TMEM178B: variants seen among roughly 807,000 people sequenced by gnomAD.
TMEM178B encodes transmembrane protein 178B.
Under a neutral mutation model 31.0 loss-of-function variants are expected in TMEM178B, and 5 were observed. The observed-to-expected ratio is 0.16, with a 90% confidence interval of 0.08 to 0.34. The LOEUF is 0.34. Ranked by LOEUF, TMEM178B falls within the 10% of genes least tolerant of loss-of-function variation. TMEM178B has a pLI of 1.00. For synonymous variants in TMEM178B, 164 were observed against 164.0 expected (o/e 1.00, Z 0.00); for missense variants, 275 against 400.3 (o/e 0.69, Z 2.67).
intron 3 of TMEM178B, among the ~76,000 whole-genome samples, chr7:141,450,024 G>A (rs1351329618): frequency 6.6e-6 from 1 of 152,198 alleles, no homozygotes; most frequent in Non-Finnish European, 1.5e-5. Context: ...GGCAGGAAAT[G>A]GTTTGCCTTT....
At position 141,377,775 on chromosome 7, in the gene TMEM178B, G is replaced by A. The variant is rs940417396; in HGVS notation, c.497-59833G>A. ...ATATGATGATCTACTGGTTCTTTTG[G>A]AAGTTGAGTACTTTTTAAATAAATT... is the stretch of plus-strand genomic sequence containing the variant. On this transcript the variant is annotated intron_variant, in intron 2 of 3. Transcript: ENST00000565468. Among the ~76,000 whole-genome samples, 11 of 152,280 alleles carry A rather than the reference G, an allele frequency of 7.2e-5. No individual in the cohort carries two copies. In the South Asian group the frequency reaches 1.7e-3, roughly 23 times the overall value.
chr7:141,235,626 A>T (rs892621549), intron 2 of TMEM178B, among the ~76,000 whole-genome samples: 5 of 152,250 alleles, frequency 3.3e-5, no homozygotes, highest in Non-Finnish European at 7.3e-5. Flanking sequence ...TCCATGGGCT[A>T]GTCAAGGATA....
chr7:141,141,969 G>A (rs1389688161), intron 1 of TMEM178B, among the ~76,000 whole-genome samples: 2 of 152,190 alleles, frequency 1.3e-5, no homozygotes, highest in Non-Finnish European at 2.9e-5. Flanking sequence ...TACATGTACA[G>A]GTTTGTTACC....
chr7:141,103,182 G>A (rs1275426260), intron 1 of TMEM178B, among the ~76,000 whole-genome samples: 1 of 152,158 alleles, frequency 6.6e-6, no homozygotes, highest in Non-Finnish European at 1.5e-5. Context: ...CCCCAGGTGG[G>A]GTCAACTCAT....
chr7:141,405,357 G>A (rs1465599029), intron 2 of TMEM178B, among the ~76,000 whole-genome samples: 1 of 152,234 alleles, frequency 6.6e-6, no homozygotes, highest in Non-Finnish European at 1.5e-5. Context: ...GCCAGAGGAG[G>A]GGACCTCACC....
At chr7:141,349,412 A>T (rs536045261) in intron 2 of TMEM178B, among the ~76,000 whole-genome samples, 1 of 152,258 alleles carries the variant, frequency 6.6e-6, no homozygotes, top group African/African-American at 2.4e-5. Context: ...AGGGGCCCAG[A>T]CACGCTTTAG....
At chr7:141,219,474 T>C (rs1303997159) in intron 2 of TMEM178B, among the ~76,000 whole-genome samples, 1 of 152,100 alleles carries the variant, frequency 6.6e-6, no homozygotes, top group Non-Finnish European at 1.5e-5. Flanking sequence ...AAGACTGGGA[T>C]CCACAGGGGT....
intron 2 of TMEM178B, among the ~76,000 whole-genome samples, chr7:141,416,754 C>G (rs1197280213): frequency 6.6e-6 from 1 of 152,170 alleles, no homozygotes; most frequent in African/African-American, 2.4e-5. Context: ...AAGACAACAT[C>G]AAGGGCAGAG....
At chr7:141,394,426 C>T (rs940283505) in intron 2 of TMEM178B, among the ~76,000 whole-genome samples, 5 of 152,228 alleles carry the variant, frequency 3.3e-5, no homozygotes, top group African/African-American at 9.6e-5. Context: ...GTTTGAAGCC[C>T]AGCTCTGCCA....
At chr7:141,121,003 C>T (rs1795399054) in intron 1 of TMEM178B, among the ~76,000 whole-genome samples, 1 of 151,394 alleles carries the variant, frequency 6.6e-6, no homozygotes, top group South Asian at 2.1e-4. Context: ...TTATATACTC[C>T]TTCTGCTATT....
At chr7:141,420,440 C>T (rs898715037) in intron 2 of TMEM178B, among the ~76,000 whole-genome samples, 13 of 152,110 alleles carry the variant, frequency 8.5e-5, no homozygotes, top group African/African-American at 2.4e-4. Flanking sequence ...TTTCCTTCTA[C>T]GGAGTTTCTT....
At chr7:141,208,764 C>G (rs1195950956) in intron 1 of TMEM178B, among the ~76,000 whole-genome samples, 2 of 152,160 alleles carry the variant, frequency 1.3e-5, no homozygotes, top group Non-Finnish European at 2.9e-5. Flanking sequence ...GGAGCTGGCT[C>G]CAGCCTGCCT....
intron 2 of TMEM178B, among the ~76,000 whole-genome samples, chr7:141,426,452 A>G (rs1173979609): frequency 1.3e-5 from 2 of 152,208 alleles, no homozygotes; most frequent in Admixed American, 6.5e-5. Context: ...GTGAGTGTCT[A>G]CTAAAGTACC....
intron 2 of TMEM178B, among the ~76,000 whole-genome samples, chr7:141,254,016 T>A (rs947169848): frequency 6.6e-6 from 1 of 152,234 alleles, no homozygotes; most frequent in Non-Finnish European, 1.5e-5. Flanking sequence ...TTCCCCACTT[T>A]CAACTTTTTG....
intron 1 of TMEM178B, among the ~76,000 whole-genome samples, chr7:141,205,063 C>T (rs1366294683): frequency 1.3e-5 from 2 of 152,118 alleles, no homozygotes; most frequent in Admixed American, 6.6e-5. Flanking sequence ...TGGCCTCAAG[C>T]GATCCTTCCA....
At chr7:141,219,514 C>T in intron 2 of TMEM178B, among the ~76,000 whole-genome samples, 1 of 152,136 alleles carries the variant, frequency 6.6e-6, no homozygotes, top group Non-Finnish European at 1.5e-5. Flanking sequence ...CCTCCTTGCC[C>T]CAGAACTAGA....
chr7:141,204,997 GT>G (rs937547875), intron 1 of TMEM178B, among the ~76,000 whole-genome samples: 15 of 151,404 alleles, frequency 9.9e-5, no homozygotes, highest in East Asian at 9.7e-4. Flanking sequence ...ATTTTTAAAA[GT>G]TTTTTTTTAT....
intron 2 of TMEM178B, among the ~76,000 whole-genome samples, chr7:141,280,035 G>A (rs1563139781): frequency 6.6e-6 from 1 of 152,348 alleles, no homozygotes; most frequent in East Asian, 1.9e-4. Context: ...GGTAAGTGGG[G>A]CCCCCATGGG....
chr7:141,097,335 C>T (rs189428750), intron 1 of TMEM178B, among the ~76,000 whole-genome samples: 8 of 136,752 alleles, frequency 5.9e-5, no homozygotes, highest in East Asian at 2.1e-4. Context: ...CACTGCAGTC[C>T]GGCCTGGGCG....
Sources: allele counts gnomAD v4.1 joint callset (sites outside exome capture counted in the v4.1 genomes callset), GRCh38; gene constraint gnomAD v4.1.1; transcripts MANE v1.5; gene names NCBI Gene and HGNC (gene_info 2026-07-23, HGNC 2026-07-21).